The following VIPR2 variants were observed in gnomAD, a reference collection of about 807,000 sequenced individuals.
VIPR2 encodes vasoactive intestinal peptide receptor 2, also known as vasoactive intestinal polypeptide receptor 2.
A neutral mutation model predicts 58.0 loss-of-function variants in VIPR2; 48 were observed. The ratio of observed to expected loss-of-function variants is 0.83; its 90% CI spans 0.66 to 1.05. The LOEUF (loss-of-function observed/expected upper bound fraction) is 1.05, where lower values mean the gene tolerates loss of function less well. Ranked by LOEUF, VIPR2 falls within the 50% of genes least tolerant of loss-of-function variation. The probability of loss-of-function intolerance (pLI) is 0.00; values close to 1 mark genes in which losing one functional copy is unlikely to be tolerated. For synonymous variants in VIPR2, 243 were observed against 235.2 expected, an observed-to-expected ratio of 1.03 and a Z score of -0.30; for missense variants, 534 against 558.0, an observed-to-expected ratio of 0.96 and a Z score of 0.43.
chr7:159,077,082 C>T (rs770233175), intron 4 of VIPR2, among the ~76,000 whole-genome samples: 12 of 152,198 alleles, frequency 7.9e-5, no homozygotes, highest in Non-Finnish European at 1.3e-4. Context: ...TGAGAATGTG[C>T]ATTGAACCAC....
chr7:159,062,337 G>A (rs901995073), intron 4 of VIPR2, among the ~76,000 whole-genome samples: 2 of 152,152 alleles, frequency 1.3e-5, no homozygotes, highest in Non-Finnish European at 2.9e-5. Flanking sequence ...CTGACTTGAA[G>A]AACTAAGACA....
At chr7:159,051,778 T>G (rs1163047536) in intron 5 of VIPR2, among the ~76,000 whole-genome samples, 1 of 152,180 alleles carries the variant, frequency 6.6e-6, no homozygotes, top group Non-Finnish European at 1.5e-5. Flanking sequence ...GAGACATTAC[T>G]ACACATTGGC....
At chr7:159,084,072 T>C (rs910416272) in intron 4 of VIPR2, among the ~76,000 whole-genome samples, 3 of 152,262 alleles carry the variant, frequency 2.0e-5, no homozygotes, top group African/African-American at 7.2e-5. Flanking sequence ...AGACCCTTTG[T>C]GTAATGATGA....
At chr7:159,040,814 C>T (rs1380878144) in intron 6 of VIPR2, among the ~76,000 whole-genome samples, 1 of 152,234 alleles carries the variant, frequency 6.6e-6, no homozygotes, top group African/African-American at 2.4e-5. Flanking sequence ...CTTTAGAGGA[C>T]AGCGAGAGGG....
intron 4 of VIPR2, among the ~76,000 whole-genome samples, chr7:159,062,825 A>T (rs1855787178): frequency 6.7e-6 from 1 of 150,072 alleles, no homozygotes; most frequent in South Asian, 2.1e-4. Context: ...GGTCCATTTT[A>T]CAGAGAGCTG....
chr7:159,059,672 T>G (rs1369181900), intron 4 of VIPR2, among the ~76,000 whole-genome samples: 1 of 152,060 alleles, frequency 6.6e-6, no homozygotes, highest in Non-Finnish European at 1.5e-5. Flanking sequence ...CCCTTCTCCT[T>G]GCTATTCCTC....
rs191691479 is a variant in VIPR2 at position 159,099,996 on chromosome 7, G to A, written c.357+3761C>T. Reference sequence around the variant, plus strand: ...CTTCCTCAAGGGCTCACAGCCATGCGTGCTGGAGCTGGGCCCCCAACACTC... The same window carrying A: ...CTTCCTCAAGGGCTCACAGCCATGCATGCTGGAGCTGGGCCCCCAACACTC... On this transcript the variant is annotated intron_variant, in intron 4 of 12. Transcript: ENST00000262178. This position sits in a 1 kb window ranked among gnomAD's most constrained non-coding sequence, Gnocchi z 4.2. 4.1e-4 allele frequency among the ~76,000 whole-genome samples: 63 copies of A among 152,226 alleles called. No individual in the cohort carries two copies. Among genetic ancestry groups the A allele is most frequent in the Admixed American group, 4.6e-4 (7 of 15,300 alleles).
chr7:159,034,988 A>G (rs1853838128), intron 8 of VIPR2, among the ~76,000 whole-genome samples: 1 of 152,118 alleles, frequency 6.6e-6, no homozygotes, highest in Non-Finnish European at 1.5e-5. Context: ...CCTCCTGAAA[A>G]TTAGCTTCCC....
intron 5 of VIPR2, 103 bp from the exon 6 acceptor site, chr7:159,043,279 C>G (rs536823289): frequency 2.4e-4 from 255 of 1,058,464 alleles, no homozygotes; most frequent in Non-Finnish European, 3.1e-4. Flanking sequence ...CAGAGAAGCA[C>G]AGAAAAATAA....
At chr7:159,048,761 T>C (rs1854799302) in intron 5 of VIPR2, among the ~76,000 whole-genome samples, 2 of 152,238 alleles carry the variant, frequency 1.3e-5, no homozygotes, top group Admixed American at 1.3e-4. Flanking sequence ...ACTGCTGATC[T>C]CAACAGCTAT....
At chr7:159,078,552 T>G (rs907240733) in intron 4 of VIPR2, among the ~76,000 whole-genome samples, 5 of 152,210 alleles carry the variant, frequency 3.3e-5, no homozygotes, top group Admixed American at 6.5e-5. Flanking sequence ...ACTTGGAGAC[T>G]TAGTTTATTG....
At chr7:159,133,628 G>C (rs957447593) in intron 2 of VIPR2, among the ~76,000 whole-genome samples, 1 of 152,162 alleles carries the variant, frequency 6.6e-6, no homozygotes, top group Admixed American at 6.5e-5. Context: ...GAGAACAGAG[G>C]CCAGGAATCT....
chr7:159,036,090 C>A, intron 7 of VIPR2, 78 bp from the exon 8 acceptor site: 1 of 1,488,266 alleles, frequency 6.7e-7, no homozygotes, highest in East Asian at 2.4e-5. Flanking sequence ...ACCAGCAAAA[C>A]CCTCAAGGAC....
chr7:159,135,810 G>A (rs1240832879), intron 2 of VIPR2, among the ~76,000 whole-genome samples: 1 of 152,172 alleles, frequency 6.6e-6, no homozygotes, highest in Admixed American at 6.5e-5. Flanking sequence ...GCGACAGAGT[G>A]AAACTCCATC....
At chr7:159,110,738 C>T (rs1795966520) in intron 2 of VIPR2, among the ~76,000 whole-genome samples, 1 of 152,082 alleles carries the variant, frequency 6.6e-6, no homozygotes, top group Non-Finnish European at 1.5e-5. Flanking sequence ...AATCAGTTTT[C>T]CTTTCAGCAC....
intron 2 of VIPR2, among the ~76,000 whole-genome samples, chr7:159,130,996 A>G (rs891170999): frequency 3.3e-5 from 5 of 152,184 alleles, no homozygotes; most frequent in Admixed American, 3.3e-4. Context: ...AAGGCCCAGC[A>G]TGGCAGTCTC....
intron 5 of VIPR2, among the ~76,000 whole-genome samples, chr7:159,056,991 A>G (rs1181181108): frequency 6.6e-6 from 1 of 152,116 alleles, no homozygotes; most frequent in African/African-American, 2.4e-5. Flanking sequence ...ATGCCTACAG[A>G]TGGAGGGGTG....
intron 8 of VIPR2, among the ~76,000 whole-genome samples, chr7:159,035,295 A>G (rs1371156369): frequency 6.6e-6 from 1 of 152,166 alleles, no homozygotes; most frequent in Non-Finnish European, 1.5e-5. Flanking sequence ...AGACTGGCTG[A>G]AGGGGACCAA....
chr7:159,135,003 A>ATTTTTTTT (rs1797144053), intron 2 of VIPR2, among the ~76,000 whole-genome samples: 1 of 89,134 alleles, frequency 1.1e-5, no homozygotes, highest in African/African-American at 5.3e-5. Flanking sequence ...TAATTACAAA[A>ATTTTTTTT]GTTTTTTTTT....
Sources: gnomAD v4.1 joint callset for allele counts (sites outside exome capture counted in the v4.1 genomes callset) on GRCh38, gnomAD v4.1.1 for gene constraint, Gnocchi (gnomAD v3.1) non-coding constraint, MANE v1.5 for transcripts, NCBI Gene and HGNC (gene_info 2026-07-23, HGNC 2026-07-21) for gene names.